Variants in RTN1 observed in about 807,000 individuals in gnomAD.
The protein encoded by RTN1 is reticulon-1.
RTN1 carries 25 observed loss-of-function variants against 65.5 expected under a neutral mutation model. The observed-to-expected ratio is 0.38, with a 90% CI of 0.28 to 0.53. The LOEUF (loss-of-function observed/expected upper bound fraction) is 0.53. RTN1 is among the 20% of genes least tolerant of loss of function. RTN1 has a pLI of 0.79. For synonymous variants in RTN1, 471 were observed against 447.6 expected (o/e 1.05, Z -0.66); for missense variants, 983 against 1,025.4 (o/e 0.96, Z 0.57).
intron 1 of RTN1, among the ~76,000 whole-genome samples, chr14:59,835,937 T>C (rs1482985967): frequency 6.6e-6 from 1 of 152,228 alleles, no homozygotes; most frequent in Non-Finnish European, 1.5e-5. Context: ...GGGCTGAAAT[T>C]AAGGTGTCGA....
intron 6 of RTN1, 73 bp downstream of exon 6, chr14:59,603,779 A>G (rs184727010): frequency 7.5e-6 from 9 of 1,204,768 alleles, no homozygotes; most frequent in African/African-American, 1.5e-5. Context: ...ACAAACAAAA[A>G]GCTTACAGCC....
chr14:59,665,768 C>CA (rs569940896), intron 3 of RTN1, among the ~76,000 whole-genome samples: 17 of 150,686 alleles, frequency 1.1e-4, no homozygotes, highest in South Asian at 4.2e-4. Flanking sequence ...AAATGGAAAG[C>CA]AAAAAAAAGC....
intron 1 of RTN1, among the ~76,000 whole-genome samples, chr14:59,792,144 A>G (rs1886360214): frequency 6.6e-6 from 1 of 151,970 alleles, no homozygotes; most frequent in Non-Finnish European, 1.5e-5. Context: ...CTGCCAGCAT[A>G]CTTTTTGCTG....
intron 1 of RTN1, among the ~76,000 whole-genome samples, chr14:59,819,717 G>T (rs114177358): frequency 0.012 from 1,838 of 152,232 alleles, 34 homozygotes; most frequent in African/African-American, 0.041. Context: ...CCTGCCTTGT[G>T]GGGAGGCGGC....
At chr14:59,845,720 G>T (rs1887396667) in intron 1 of RTN1, among the ~76,000 whole-genome samples, 1 of 152,100 alleles carries the variant, frequency 6.6e-6, no homozygotes. Flanking sequence ...GTCATGCATA[G>T]AACTACTACT....
intron 2 of RTN1, among the ~76,000 whole-genome samples, chr14:59,744,984 A>G (rs1350395945): frequency 6.6e-6 from 1 of 152,186 alleles, no homozygotes; most frequent in Non-Finnish European, 1.5e-5. Flanking sequence ...GAAATATTGA[A>G]CGATGAAGGC....
chr14:59,720,166 A>G (rs1884617159), intron 3 of RTN1, among the ~76,000 whole-genome samples: 1 of 152,192 alleles, frequency 6.6e-6, no homozygotes, highest in Non-Finnish European at 1.5e-5. Context: ...GTCCCTAGAA[A>G]TAATAAGTGC....
intron 1 of RTN1, among the ~76,000 whole-genome samples, chr14:59,787,142 T>C (rs1291138470): frequency 6.6e-6 from 1 of 152,106 alleles, no homozygotes; most frequent in African/African-American, 2.4e-5. Context: ...CATCTCCCCA[T>C]CAAGAAAATA....
chr14:59,694,208 A>AT (rs1332729422), intron 3 of RTN1, among the ~76,000 whole-genome samples: 2 of 152,216 alleles, frequency 1.3e-5, no homozygotes, highest in South Asian at 2.1e-4. Flanking sequence ...CTAAATCAGG[A>AT]TTTTTTTAAC....
At chr14:59,661,986 GTA>G (rs1883258384) in intron 3 of RTN1, among the ~76,000 whole-genome samples, 2 of 152,164 alleles carry the variant, frequency 1.3e-5, no homozygotes, top group South Asian at 4.1e-4. Flanking sequence ...TGACATGATT[GTA>G]TATTTAGAAA....
intron 3 of RTN1, among the ~76,000 whole-genome samples, chr14:59,726,241 A>C (rs1445723228): frequency 2.6e-5 from 4 of 152,182 alleles, no homozygotes; most frequent in Admixed American, 2.6e-4. Flanking sequence ...TCACCTCAAA[A>C]TTTTTCATAG....
chr14:59,607,751 C>T (rs760971687), intron 3 of RTN1: 24 of 485,144 alleles, frequency 4.9e-5, no homozygotes, highest in Middle Eastern at 5.9e-4. Context: ...TTGACCATAT[C>T]GCGATGGGTG....
chr14:59,749,156 ATATCTATC>A lies in RTN1; in HGVS notation c.242-2683_242-2676del, dbSNP rs1236551525. Among the ~76,000 whole-genome samples, 2 of 54,962 alleles carry A rather than the reference ATATCTATC, an allele frequency of 3.6e-5. 1 individual carries two copies. Among genetic ancestry groups the A allele is most frequent in the African/African-American group, 2.4e-4 (2 of 8,304 alleles). 36.1% of individuals were successfully genotyped at this position (54,962 alleles called of 152,430 possible). On this transcript the variant is annotated intron_variant, in intron 1 of 8. Transcript: ENST00000267484. ...TCTATATCTATCTATCTATCTATCT[ATATCTATC>A]TATATATCTATCTATATATCTATCT...
At chr14:59,834,482 A>G (rs1391782037) in intron 1 of RTN1, among the ~76,000 whole-genome samples, 1 of 152,220 alleles carries the variant, frequency 6.6e-6, no homozygotes, top group Non-Finnish European at 1.5e-5. Flanking sequence ...ACTTGTGTGC[A>G]GAATACAAGA....
At chr14:59,680,149 T>C (rs1208445833) in intron 3 of RTN1, among the ~76,000 whole-genome samples, 3 of 152,196 alleles carry the variant, frequency 2.0e-5, no homozygotes, top group Non-Finnish European at 1.5e-5. Context: ...GTTAGTAACA[T>C]AGCTCTTAGC....
chr14:59,832,221 T>C (rs1281886796), intron 1 of RTN1, among the ~76,000 whole-genome samples: 3 of 152,160 alleles, frequency 2.0e-5, no homozygotes, highest in East Asian at 1.9e-4. Flanking sequence ...TAGAGTATGA[T>C]AAACAAATAA....
At chr14:59,749,613 T>A (rs192215279) in intron 1 of RTN1, among the ~76,000 whole-genome samples, 62 of 66,242 alleles carry the variant, frequency 9.4e-4, no homozygotes, top group Non-Finnish European at 9.9e-4. Context: ...CTATATATAT[T>A]TATATAGATA....
At chr14:59,703,301 T>C (rs1884219692) in intron 3 of RTN1, among the ~76,000 whole-genome samples, 1 of 152,070 alleles carries the variant, frequency 6.6e-6, no homozygotes, top group African/African-American at 2.4e-5. Flanking sequence ...GGGTGGGAGG[T>C]GATTGGATCA....
At chr14:59,743,471 T>C (rs1320188828) in intron 2 of RTN1, among the ~76,000 whole-genome samples, 1 of 152,204 alleles carries the variant, frequency 6.6e-6, no homozygotes, top group Non-Finnish European at 1.5e-5. Context: ...CAAGTATCTT[T>C]ACGGCAGGAA....
Sources: allele counts gnomAD v4.1 joint callset (sites outside exome capture counted in the v4.1 genomes callset), GRCh38; gene constraint gnomAD v4.1.1; transcripts MANE v1.5; gene names NCBI Gene and HGNC (gene_info 2026-07-23, HGNC 2026-07-21).